The following PDE10A variants were observed in gnomAD, a reference collection of about 807,000 sequenced individuals.
The protein encoded by PDE10A is phosphodiesterase 10A.
Under a neutral mutation model 97.7 loss-of-function variants are expected in PDE10A, and 39 were observed. The ratio of observed to expected loss-of-function variants is 0.40; its 90% CI spans 0.31 to 0.52. The LOEUF is 0.52. PDE10A is among the 20% of genes least tolerant of loss of function. PDE10A has a pLI of 0.56. For synonymous variants in PDE10A, 371 were observed against 376.8 expected, an observed-to-expected ratio of 0.98 and a Z score of 0.18; for missense variants, 731 against 1,047.8, an observed-to-expected ratio of 0.70 and a Z score of 4.17.
chr6:165,553,714 C>T (rs1306397255), intron 1 of PDE10A, among the ~76,000 whole-genome samples: 1 of 152,196 alleles, frequency 6.6e-6, no homozygotes, highest in Non-Finnish European at 1.5e-5. Context: ...AAATTCCATA[C>T]TGCTGTATTT....
At chr6:165,837,199 T>TTA (rs754285422) in intron 1 of PDE10A, among the ~76,000 whole-genome samples, 2 of 128,040 alleles carry the variant, frequency 1.6e-5, no homozygotes, top group African/African-American at 6.6e-5. Flanking sequence ...TAAAGTATAA[T>TTA]AAAAAAAAAA....
At chr6:165,701,679 G>A (rs1791575924) in intron 1 of PDE10A, among the ~76,000 whole-genome samples, 1 of 150,628 alleles carries the variant, frequency 6.6e-6, no homozygotes, top group African/African-American at 2.4e-5. Flanking sequence ...ATGTTTGTGT[G>A]TGTGCATGTA....
chr6:165,501,456 G>T (rs887955479), intron 2 of PDE10A, among the ~76,000 whole-genome samples: 16 of 152,020 alleles, frequency 1.1e-4, no homozygotes, highest in Non-Finnish European at 1.9e-4. Context: ...AGCTACTCAG[G>T]AGGCTACTCG....
intron 1 of PDE10A, among the ~76,000 whole-genome samples, chr6:165,619,114 G>C (rs62424867): frequency 4.7e-5 from 4 of 84,380 alleles, no homozygotes; most frequent in South Asian, 3.9e-4. Context: ...CTAGTGTAGT[G>C]TAGTCTAGCA....
intron 1 of PDE10A, among the ~76,000 whole-genome samples, chr6:165,691,213 A>G (rs1377412188): frequency 7.4e-6 from 1 of 135,142 alleles, no homozygotes; most frequent in African/African-American, 3.4e-5. Flanking sequence ...CCACACACAC[A>G]CACACACACA....
chr6:165,838,091 T>C (rs1449755889), intron 1 of PDE10A, among the ~76,000 whole-genome samples: 1 of 152,186 alleles, frequency 6.6e-6, no homozygotes, highest in Non-Finnish European at 1.5e-5. Context: ...GGCGAGCAAA[T>C]GATGTAAACC....
intron 1 of PDE10A, among the ~76,000 whole-genome samples, chr6:165,680,645 T>C (rs374112883): frequency 6.6e-6 from 1 of 152,228 alleles, no homozygotes; most frequent in African/African-American, 2.4e-5. Context: ...GGCTCAGGTC[T>C]GTAATCCCAG....
intron 2 of PDE10A, among the ~76,000 whole-genome samples, chr6:165,502,536 A>C (rs896302000): frequency 5.3e-5 from 8 of 152,258 alleles, no homozygotes; most frequent in Non-Finnish European, 1.0e-4. Context: ...GGAAAATCCA[A>C]ATTATAATAA....
intron 1 of PDE10A, among the ~76,000 whole-genome samples, chr6:165,572,735 C>G (rs950533959): frequency 6.6e-6 from 1 of 152,182 alleles, no homozygotes; most frequent in African/African-American, 2.4e-5. Context: ...ACCCCGGAGG[C>G]TGAGGTGGGA....
intron 1 of PDE10A, among the ~76,000 whole-genome samples, chr6:165,688,750 G>A (rs894812755): frequency 2.0e-5 from 3 of 152,144 alleles, no homozygotes; most frequent in Non-Finnish European, 2.9e-5. Context: ...AACTTTATAG[G>A]CATTGTATAA....
intron 1 of PDE10A, among the ~76,000 whole-genome samples, chr6:165,970,826 T>C (rs184968746): frequency 0.017 from 2,580 of 152,282 alleles, 83 homozygotes; most frequent in African/African-American, 0.058. Context: ...AGAACATGAA[T>C]TGGACCCCAT....
At chr6:165,518,838 CTAAG>C (rs1781972448) in intron 2 of PDE10A, among the ~76,000 whole-genome samples, 1 of 152,156 alleles carries the variant, frequency 6.6e-6, no homozygotes, top group South Asian at 2.1e-4. Flanking sequence ...AAGTGCTTCT[CTAAG>C]ATGAGAAAGG....
intron 1 of PDE10A, among the ~76,000 whole-genome samples, chr6:165,958,563 A>AAGAAAGAAAGAC (rs1554230956): frequency 7.8e-4 from 12 of 15,290 alleles, no homozygotes; most frequent in Non-Finnish European, 1.4e-3. Context: ...GAAAGAAAGA[A>AAGAAAGAAAGAC]AGACAGACAG....
intron 5 of PDE10A, among the ~76,000 whole-genome samples, chr6:165,442,181 T>A (rs554185560): frequency 6.6e-6 from 1 of 152,180 alleles, no homozygotes; most frequent in East Asian, 1.9e-4. Context: ...GTAGGGTACA[T>A]GTGCACAACG....
At chr6:165,739,373 A>G (rs1792660608) in intron 1 of PDE10A, among the ~76,000 whole-genome samples, 1 of 152,212 alleles carries the variant, frequency 6.6e-6, no homozygotes, top group Non-Finnish European at 1.5e-5. Flanking sequence ...AGGTGCCAAG[A>G]ACATACAATG....
At chr6:165,448,303 T>C (rs1235828561) in intron 5 of PDE10A, among the ~76,000 whole-genome samples, 1 of 152,224 alleles carries the variant, frequency 6.6e-6, no homozygotes, top group Non-Finnish European at 1.5e-5. Flanking sequence ...ATTGAACATC[T>C]TGAAATACTT....
rs141280216 is a variant in PDE10A, at chr6:165,465,566, T to C, written c.1024-15204A>G. ...GACATACCCAAGACTAGCTAATTTA[T>C]AAAGAAAAGAGGTTTAGTTGACTTA... On this transcript the variant is annotated intron_variant, in intron 3 of 21. Transcript: ENST00000539869. Among the ~76,000 whole-genome samples the C allele has an allele frequency of 6.6e-4, 100 of 152,250 alleles. 1 individual carries two copies. The highest frequency in any genetic ancestry group is 2.3e-3 in the African/African-American group (97 of 41,552).
chr6:165,891,578 G>A (rs577040570), intron 1 of PDE10A, among the ~76,000 whole-genome samples: 21 of 152,170 alleles, frequency 1.4e-4, no homozygotes, highest in Non-Finnish European at 1.5e-4. Flanking sequence ...AGAGGATGCT[G>A]CCTGTCCCTG....
At chr6:165,491,777 A>C (rs1780241315) in intron 2 of PDE10A, among the ~76,000 whole-genome samples, 1 of 152,156 alleles carries the variant, frequency 6.6e-6, no homozygotes, top group Non-Finnish European at 1.5e-5. Context: ...ACAGGTAGAC[A>C]ATCTAAGGTC....
Sources: gnomAD v4.1 joint callset for allele counts (sites outside exome capture counted in the v4.1 genomes callset) on GRCh38, gnomAD v4.1.1 for gene constraint, MANE v1.5 for transcripts, NCBI Gene and HGNC (gene_info 2026-07-23, HGNC 2026-07-21) for gene names.